DMD: variants seen among roughly 807,000 people sequenced by gnomAD.
The protein encoded by DMD is dystrophin, also known as mutant dystrophin.
In DMD, 63 loss-of-function variants were observed where a neutral mutation model predicts 330.1. That is an observed-to-expected ratio of 0.19 (90% CI 0.16 to 0.24). The LOEUF (loss-of-function observed/expected upper bound fraction) is 0.24, where lower values mean the gene tolerates loss of function less well. Among genes scored for constraint, DMD ranks in the 10% least tolerant of loss-of-function variants. The pLI is 1.00. For synonymous variants in DMD, 1,223 were observed against 959.8 expected, an observed-to-expected ratio of 1.27 and a Z score of -5.07; for missense variants, 3,344 against 2,684.1, an observed-to-expected ratio of 1.25 and a Z score of -5.43.
intron 44 of DMD, among the ~76,000 whole-genome samples, chrX:31,984,285 T>C (rs757714975): frequency 1.8e-5 from 2 of 112,148 alleles, no homozygotes; most frequent in African/African-American, 3.2e-5. Flanking sequence ...TTGAAGCTGA[T>C]TTAAAGAGGA....
intron 63 of DMD, among the ~76,000 whole-genome samples, chrX:31,232,723 C>G (rs1371458688): frequency 1.8e-5 from 2 of 111,866 alleles, no homozygotes; most frequent in East Asian, 2.8e-4. Flanking sequence ...TTCATCCTGA[C>G]AGAAGGCTGG....
intron 70 of DMD, 186 bp from the exon 71 acceptor site, chrX:31,178,156 A>C (rs923497185): frequency 3.7e-5 from 28 of 749,999 alleles, no homozygotes; most frequent in Non-Finnish European, 4.4e-5. Context: ...ATCAGAGTTA[A>C]GGCAAAAAAG....
chrX:32,725,836 G>A (rs1473715561), intron 7 of DMD, among the ~76,000 whole-genome samples: 1 of 110,690 alleles, frequency 9.0e-6, no homozygotes, highest in Admixed American at 9.7e-5. Flanking sequence ...CAGTATCATT[G>A]GATTGTTTAT....
intron 55 of DMD, among the ~76,000 whole-genome samples, chrX:31,617,816 A>G (rs992495306): frequency 8.9e-6 from 1 of 111,776 alleles, no homozygotes; most frequent in African/African-American, 3.3e-5. Flanking sequence ...AAGACATGGA[A>G]TCAACCTAAA....
intron 30 of DMD, among the ~76,000 whole-genome samples, chrX:32,396,241 C>T (rs775234497): frequency 7.2e-5 from 8 of 111,306 alleles, no homozygotes; most frequent in Non-Finnish European, 1.3e-4. Context: ...TTGAAATATA[C>T]ATATTTCCAT....
At chrX:32,245,315 A>G (rs1420537834) in intron 43 of DMD, among the ~76,000 whole-genome samples, 7 of 66,358 alleles carry the variant, frequency 1.1e-4, no homozygotes, top group East Asian at 1.6e-3. Flanking sequence ...TGTTCCATTG[A>G]TCTATATCTC....
At chrX:33,037,821 A>C (rs2094229994) in intron 1 of DMD, among the ~76,000 whole-genome samples, 1 of 112,437 alleles carries the variant, frequency 8.9e-6, no homozygotes. Context: ...TTGGTATACT[A>C]CAATAGGAAG....
At chrX:31,355,294 C>T (rs1225302941) in intron 60 of DMD, among the ~76,000 whole-genome samples, 1 of 111,844 alleles carries the variant, frequency 8.9e-6, no homozygotes, top group Non-Finnish European at 1.9e-5. Flanking sequence ...ATTACCTCCC[C>T]ATGTGGAAAT....
chrX:32,801,591 T>C (rs1454040075), intron 7 of DMD, among the ~76,000 whole-genome samples: 1 of 112,149 alleles, frequency 8.9e-6, no homozygotes, highest in African/African-American at 3.2e-5. Context: ...CCCATGCCTA[T>C]GTCCTGAAAG....
At chrX:32,036,048 AG>A (rs2095943091) in intron 44 of DMD, among the ~76,000 whole-genome samples, 1 of 111,821 alleles carries the variant, frequency 8.9e-6, no homozygotes, top group South Asian at 3.7e-4. Flanking sequence ...GAAGTGTGTT[AG>A]GGGGAGTAGA....
At chrX:31,126,242 C>T (rs996983035) in intron 78 of DMD, among the ~76,000 whole-genome samples, 1 of 111,703 alleles carries the variant, frequency 9.0e-6, no homozygotes, top group East Asian at 2.8e-4. Context: ...AAACTAAGGG[C>T]GCTGGCAGAA....
intron 44 of DMD, among the ~76,000 whole-genome samples, chrX:31,988,473 C>CAAAAAAAAAAA (rs11352664): frequency 8.3e-5 from 2 of 24,150 alleles, no homozygotes; most frequent in Non-Finnish European, 1.4e-4. Context: ...GACTCCATCT[C>CAAAAAAAAAAA]AAAAAAAAAA....
chrX:31,384,488 G>A lies in DMD; in HGVS notation c.9085-35854C>T, dbSNP rs188247307. On this transcript the variant is annotated intron_variant, in intron 60 of 78. Coordinates refer to ENST00000357033, the MANE Select transcript of DMD (RefSeq NM_004006.3). ...AGTACATGTTATGTTATCAATTCTT[G>A]AAAAACCCTGAAATGTAGACTCATT... 4.3e-3 allele frequency among the ~76,000 whole-genome samples: 475 copies of A among 111,516 alleles called. 3 individuals are homozygous for A. The highest frequency in any genetic ancestry group is 9.2e-3 in the Middle Eastern group (2 of 218).
intron 17 of DMD, among the ~76,000 whole-genome samples, chrX:32,528,524 C>A (rs184570856): frequency 9.0e-6 from 1 of 111,636 alleles, no homozygotes; most frequent in East Asian, 2.8e-4. Context: ...AAGGCTAACT[C>A]CCCCTCCAAA....
intron 7 of DMD, among the ~76,000 whole-genome samples, chrX:32,794,272 G>A (rs981906929): frequency 8.9e-6 from 1 of 111,967 alleles, no homozygotes; most frequent in Non-Finnish European, 1.9e-5. Context: ...ACTGAATGGG[G>A]AAAAGCTGAA....
intron 1 of DMD, among the ~76,000 whole-genome samples, chrX:33,223,757 A>G (rs2052232286): frequency 9.0e-6 from 1 of 111,323 alleles, no homozygotes; most frequent in Admixed American, 9.5e-5. Flanking sequence ...GAAAAATTCT[A>G]TGCTGCAAAA....
rs2147934487 is a variant in DMD at position 32,411,782 on chromosome X, C to T, written c.4203G>A (p.Val1401=). 1 of 1,211,317 alleles carries T rather than the reference C, an allele frequency of 8.3e-7. No individual in the cohort carries two copies. ...CTTCCTGAGGCATTTGAGCTGCGTCCACCTTGTCTGCAATATAAGCTGCCA... is the reference window on the plus strand; with the variant it reads ...CTTCCTGAGGCATTTGAGCTGCGTCTACCTTGTCTGCAATATAAGCTGCCA... ...KQLAAYIADK[V]DAAQMPQEAQ... Residue 1401 remains valine, a synonymous_variant, in exon 30 of 79, where the codon GTG becomes GTA. Coordinates refer to ENST00000357033, the MANE Select transcript of DMD (RefSeq NM_004006.3).
chrX:33,061,896 C>T (rs1391322425), intron 1 of DMD, among the ~76,000 whole-genome samples: 2 of 111,306 alleles, frequency 1.8e-5, no homozygotes, highest in African/African-American at 6.5e-5. Context: ...TTACTTAAAA[C>T]TCTTTTTTTC....
At chrX:31,372,698 A>T (rs1448157415) in intron 60 of DMD, among the ~76,000 whole-genome samples, 1 of 111,760 alleles carries the variant, frequency 8.9e-6, no homozygotes, top group East Asian at 2.8e-4. Context: ...TATCTATGAC[A>T]AACCCACAGC....
Sources: gnomAD v4.1 joint callset for allele counts (sites outside exome capture counted in the v4.1 genomes callset) on GRCh38, gnomAD v4.1.1 for gene constraint, MANE v1.5 for transcripts, NCBI Gene and HGNC (gene_info 2026-07-23, HGNC 2026-07-21) for gene names.